Variants in L1TD1 observed in about 807,000 individuals in gnomAD.
The protein encoded by L1TD1 is LINE1 type transposase domain containing 1, also known as LINE-1 type transposase domain-containing protein 1.
In L1TD1, 26 loss-of-function variants were observed where a neutral mutation model predicts 25.7. The observed-to-expected ratio is 1.01, with a 90% CI of 0.74 to 1.40. L1TD1 has a LOEUF of 1.40. L1TD1 is among the 40% of genes most tolerant of loss of function. The pLI is 0.00. For synonymous variants in L1TD1, 421 were observed against 335.6 expected (o/e 1.25, Z -2.78); for missense variants, 1,130 against 975.0 (o/e 1.16, Z -2.12).
intron 3 of L1TD1, chr1:62,208,334 G>A (rs1221636282): frequency 6.6e-6 from 1 of 152,464 alleles, no homozygotes; most frequent in Non-Finnish European, 1.5e-5. Flanking sequence ...CTAACTTAGT[G>A]TGTTTGGTCA....
Position 62,211,264 on chromosome 1 carries a change from A to T in L1TD1, c.2490A>T (p.Ala830=). ...NPRILYPAKM[A]FDFRGKTKVF... ...GAATCCTATATCCAGCCAAAATGGC[A>T]TTTGATTTTAGGGGTAAAACAAAGG... The change falls in exon 4 of 4, where the codon GCA becomes GCT. Residue 830 remains alanine, a synonymous_variant. Coordinates refer to ENST00000498273, the MANE Select transcript of L1TD1 (RefSeq NM_019079.5). The T allele has an allele frequency of 6.2e-7, 1 of 1,606,604 alleles. No individual in the cohort carries two copies. Among genetic ancestry groups the T allele is most frequent in the East Asian group, 2.2e-5 (1 of 44,754 alleles).
At chr1:62,205,182 A>G (rs1296921823) in intron 2 of L1TD1, among the ~76,000 whole-genome samples, 1 of 151,220 alleles carries the variant, frequency 6.6e-6, no homozygotes, top group East Asian at 2.0e-4. Flanking sequence ...CCTCGTCTCC[A>G]CTAAAAATAC....
Position 62,206,518 on chromosome 1 carries a change from G to C in L1TD1, c.-110-1G>C. The C allele has an allele frequency of 9.1e-7, 1 of 1,095,304 alleles. No homozygotes were observed. Among genetic ancestry groups the C allele is most frequent in the South Asian group, 3.0e-5 (1 of 33,728 alleles). 67.8% of individuals were successfully genotyped at this position (1,095,304 alleles called of 1,614,324 possible). On this transcript the variant is annotated splice_acceptor_variant, in intron 2 of 3. Coordinates refer to ENST00000498273, the MANE Select transcript of L1TD1 (RefSeq NM_019079.5). LOFTEE classifies it low-confidence loss of function (5UTR_SPLICE). ...TAATTTTTCATTTTTTTGTATTTCA[G>C]ATTGACGTATTTTAAGATTTTTTTA... is the stretch of plus-strand genomic sequence containing the variant.
In L1TD1 at chr1:62,197,397, T is replaced by TTTTATA. The variant is rs1269544269; in HGVS notation, c.-111+870_-111+871insTTATAT. On this transcript the variant is annotated intron_variant, in intron 2 of 3. Coordinates refer to ENST00000498273, the MANE Select transcript of L1TD1 (RefSeq NM_019079.5). ...GAGACGCCCTCTCAAAAAAAATAAA[T>TTTTATA]TATATATATATATATATATATATAT... Among the ~76,000 whole-genome samples, 11 of 80,834 alleles carry TTTTATA rather than the reference T, an allele frequency of 1.4e-4. No individual in the cohort carries two copies. The East Asian group carries it at 4.2e-3, about 31-fold the overall frequency. 53.0% of individuals were successfully genotyped at this position (80,834 alleles called of 152,430 possible). A position where few individuals can be genotyped will look rare whatever the true frequency, so the allele number is the denominator to read the frequency against.
At chr1:62,209,306 T>A (rs548896379) in intron 3 of L1TD1, among the ~76,000 whole-genome samples, 12 of 147,190 alleles carry the variant, frequency 8.2e-5, no homozygotes, top group African/African-American at 2.8e-4. Flanking sequence ...TTTTTTTTTT[T>A]AATTGGGTTT....
rs1328364378 is a variant in L1TD1, at chr1:62,212,236, A to G, written c.*864A>G. ...TGGGCAATGTGGCGAAAGTGTCTAC[A>G]AAAAAATACAAAAAGAGGAAGAAAT... On this transcript the variant is annotated 3_prime_UTR_variant, in exon 4 of 4. Transcript: ENST00000498273. 1 of 152,156 alleles carries G rather than the reference A, an allele frequency of 6.6e-6. No homozygotes were observed. The highest frequency in any genetic ancestry group is 1.9e-4 in the East Asian group (1 of 5,188). The allele number at this position is 152,156 out of a possible 1,614,324, so 9.4% of individuals were successfully genotyped here.
intron 3 of L1TD1, chr1:62,208,366 G>C: frequency 6.6e-6 from 1 of 152,498 alleles, no homozygotes; most frequent in Non-Finnish European, 1.5e-5. Flanking sequence ...CAGCGGCAGT[G>C]CCTGGGCTTT....
rs376227254 is a variant in L1TD1 at position 62,198,542 on chromosome 1, G to A, written c.-111+2014G>A. On this transcript the variant is annotated intron_variant, in intron 2 of 3. Transcript: ENST00000498273. Reference sequence around the variant, plus strand: ...CCCCCCGCCGCCGCCCCACCCCGCCGATAAGAACAGGCTGCCAGTGTTGAA... The same window carrying A: ...CCCCCCGCCGCCGCCCCACCCCGCCAATAAGAACAGGCTGCCAGTGTTGAA... Among the ~76,000 whole-genome samples the A allele has an allele frequency of 2.7e-5, 4 of 147,974 alleles. No individual in the cohort carries two copies. In the East Asian group the frequency reaches 6.2e-4, roughly 23 times the overall value.
intron 3 of L1TD1, among the ~76,000 whole-genome samples, chr1:62,209,289 CT>C (rs376933477): frequency 0.043 from 5,656 of 131,724 alleles, 104 homozygotes; most frequent in South Asian, 0.056. Flanking sequence ...CAATTGGGGT[CT>C]TTTTTTTTTT....
chr1:62,206,672 T>C lies in L1TD1; in HGVS notation c.44T>C (p.Leu15Pro). 6.5e-7 allele frequency: 1 copy of C among 1,547,824 alleles called. No homozygotes were observed. Among genetic ancestry groups the C allele is most frequent in the Non-Finnish European group, 8.7e-7 (1 of 1,145,916 alleles). The change falls in exon 3 of 4, where the codon CTT becomes CCT. Residue 15 changes from leucine (L) to proline (P), a missense_variant. Transcript: ENST00000498273. ...STSVQSKFARLAKKKENITYM... is the reference protein window; with the variant it reads ...STSVQSKFARPAKKKENITYM... Reference sequence around the variant, plus strand: ...AGTGTACAATCAAAATTTGCTAGACTTGCAAAGAAAAAGGAAAATATCACC... The same window carrying C: ...AGTGTACAATCAAAATTTGCTAGACCTGCAAAGAAAAAGGAAAATATCACC...
At chr1:62,205,389 T>TCTC (rs1670718755) in intron 2 of L1TD1, among the ~76,000 whole-genome samples, 42 of 60,260 alleles carry the variant, frequency 7.0e-4, no homozygotes, top group East Asian at 1.2e-3. Flanking sequence ...CTCTCTCTCT[T>TCTC]TCTCTCTCTC....
chr1:62,209,973 C>T lies in L1TD1; in HGVS notation c.1199C>T (p.Thr400Ile), dbSNP rs1321784905. ...TCAGGGATGGAGGATGATGAAGATA[C>T]CTCAGGGCTGGAGGAGGAGGAGGAA... ...EASGMEDDED[T>I]SGLEEEEEEP... Residue 400 changes from threonine to isoleucine, a missense_variant, in exon 4 of 4, where the codon ACC becomes ATC. By Grantham distance (89) the Thr-to-Ile change is moderately conservative. Transcript: ENST00000498273. 1 of 1,463,914 alleles carries T rather than the reference C, an allele frequency of 6.8e-7. No individual in the cohort carries two copies. Among genetic ancestry groups the T allele is most frequent in the Non-Finnish European group, 9.4e-7 (1 of 1,066,004 alleles). 90.7% of individuals were successfully genotyped at this position (1,463,914 alleles called of 1,614,324 possible).
At position 62,211,364 on chromosome 1, in the gene L1TD1, AT is replaced by A; in HGVS notation, c.2591del (p.Ile864AsnfsTer7). 1 of 1,601,694 alleles carries A rather than the reference AT, an allele frequency of 6.2e-7. No individual in the cohort carries two copies. The highest frequency in any genetic ancestry group is 1.1e-5 in the South Asian group (1 of 88,602). On this transcript the variant is annotated frameshift_variant, in exon 4 of 4. Coordinates refer to ENST00000498273, the MANE Select transcript of L1TD1 (RefSeq NM_019079.5). LOFTEE classifies it high-confidence loss of function. ...CTTGAGAGAATTACTGGGGAATAAT[AT>A]ACCTTAGCACGCCAGGGTGACTACA... The part of the protein sequence containing the change: ...PTLRELLGNN[I>X]P
Position 62,207,147 on chromosome 1 carries a change from T to C in L1TD1, c.519T>C (p.Ser173=), listed in dbSNP as rs979350153. Residue 173 remains serine, a synonymous_variant, in exon 3 of 4, where the codon AGT becomes AGC. Coordinates refer to ENST00000498273, the MANE Select transcript of L1TD1 (RefSeq NM_019079.5). ...GESRSYEVMG[S]MEETLCNIDD... Reference sequence around the variant, plus strand: ...CACGAAGTTACGAAGTCATGGGAAGTATGGAAGAAACCTTATGCAATATAG... The same window carrying C: ...CACGAAGTTACGAAGTCATGGGAAGCATGGAAGAAACCTTATGCAATATAG... 6.4e-7 allele frequency: 1 copy of C among 1,569,490 alleles called. No homozygotes were observed. The highest frequency in any genetic ancestry group is 8.7e-7 in the Non-Finnish European group (1 of 1,155,656).
chr1:62,199,527 C>G (rs577410350), intron 2 of L1TD1, among the ~76,000 whole-genome samples: 31 of 150,978 alleles, frequency 2.1e-4, no homozygotes, highest in Non-Finnish European at 2.9e-4. Context: ...GCATTTGATA[C>G]AGTTAACAAC....
chr1:62,206,704 A>G lies in L1TD1; in HGVS notation c.76A>G (p.Lys26Glu), dbSNP rs909953071. ...AKKKENITYM[K>E]REQLTETDKD... is the part of the protein sequence containing the mutation. ...GAAAAAGGAAAATATCACCTATATG[A>G]AAAGAGAGCAGTTAACAGAAACTGA... The change falls in exon 3 of 4, where the codon AAA (lysine) becomes GAA (glutamate). Residue 26 changes from lysine (K) to glutamate (E), a missense_variant. Physicochemically the swap from Lys to Glu is moderately conservative, Grantham distance 56. Coordinates refer to ENST00000498273, the MANE Select transcript of L1TD1 (RefSeq NM_019079.5). 3.9e-6 allele frequency: 6 copies of G among 1,550,592 alleles called. No individual in the cohort carries two copies. The highest frequency in any genetic ancestry group is 5.2e-6 in the Non-Finnish European group (6 of 1,146,660).
At chr1:62,204,765 C>T (rs1670703609) in intron 2 of L1TD1, among the ~76,000 whole-genome samples, 1 of 151,948 alleles carries the variant, frequency 6.6e-6, no homozygotes, top group South Asian at 2.1e-4. Context: ...ATTTTAGCTG[C>T]TTATGTGATT....
chr1:62,207,534 T>C lies in L1TD1; in HGVS notation c.906T>C (p.Phe302=), dbSNP rs1028168822. 6.4e-7 allele frequency: 1 copy of C among 1,551,396 alleles called. No homozygotes were observed. The highest frequency in any genetic ancestry group is 8.7e-7 in the Non-Finnish European group (1 of 1,146,900). Residue 302 remains phenylalanine, a synonymous_variant, in exon 3 of 4, where the codon TTT becomes TTC. Coordinates refer to ENST00000498273, the MANE Select transcript of L1TD1 (RefSeq NM_019079.5). ...TFSDLQSLRK[F]ASQKSSVKEL... ...CAGATCTGCAAAGCCTTAGAAAATT[T>C]GCCAGCCAAAAATCTTCTGTGAAAG...
In L1TD1 at chr1:62,210,530, CTT is replaced by C; in HGVS notation, c.1757_1758del (p.Leu586GlnfsTer34). The stretch of plus-strand genomic sequence containing the variant: ...GAGTATTTCAACAGGAGTCACCAAA[CTT>C]AAGAAAACAGAAGAAAAGAAACACA... ...NLSISTGVTK[L>X]KKTEEKKHRT... On this transcript the variant is annotated frameshift_variant, in exon 4 of 4. Transcript: ENST00000498273. LOFTEE classifies it low-confidence loss of function (END_TRUNC). 6.2e-7 allele frequency: 1 copy of C among 1,612,876 alleles called. No individual in the cohort carries two copies. The highest frequency in any genetic ancestry group is 8.5e-7 in the Non-Finnish European group (1 of 1,179,814).
Sources: allele counts gnomAD v4.1 joint callset (sites outside exome capture counted in the v4.1 genomes callset), GRCh38; gene constraint gnomAD v4.1.1; transcripts MANE v1.5; gene names NCBI Gene and HGNC (gene_info 2026-07-23, HGNC 2026-07-21).